Variants in TMTC1 observed in about 807,000 individuals in gnomAD.
TMTC1 encodes protein O-mannosyl-transferase TMTC1.
TMTC1 carries 73 observed loss-of-function variants against 104.8 expected under a neutral mutation model. The observed-to-expected ratio is 0.70, with a 90% confidence interval of 0.58 to 0.85. TMTC1 has a LOEUF of 0.85. Ranked by LOEUF, TMTC1 falls within the 40% of genes least tolerant of loss-of-function variation. TMTC1 has a pLI of 0.00. For missense variants in TMTC1, 1,035 were observed against 1,096.1 expected (o/e 0.94, Z 0.79); for synonymous variants, 434 against 428.7 (o/e 1.01, Z -0.15).
chr12:29,655,409 A>G (rs1939711122), intron 5 of TMTC1, among the ~76,000 whole-genome samples: 1 of 152,222 alleles, frequency 6.6e-6, no homozygotes, highest in African/African-American at 2.4e-5. Context: ...TAATATTTTA[A>G]GTTTTATTTT....
chr12:29,574,792 C>G (rs981975207), intron 8 of TMTC1, among the ~76,000 whole-genome samples: 4 of 152,164 alleles, frequency 2.6e-5, no homozygotes, highest in Non-Finnish European at 5.9e-5. Flanking sequence ...GGCCCTATAT[C>G]CAGATACAGT....
chr12:29,556,819 C>T (rs368956072), intron 10 of TMTC1, 38 bp downstream of exon 10: 23 of 1,611,678 alleles, frequency 1.4e-5, no homozygotes, highest in African/African-American at 8.0e-5. Context: ...TTCTTGGAAT[C>T]GCAAGGCCAC....
intron 9 of TMTC1, among the ~76,000 whole-genome samples, chr12:29,562,292 T>G (rs1317743333): frequency 6.6e-6 from 1 of 152,212 alleles, no homozygotes; most frequent in East Asian, 1.9e-4. Flanking sequence ...TGACGCACTC[T>G]TCAAGAGGGG....
intron 17 of TMTC1, among the ~76,000 whole-genome samples, chr12:29,509,027 A>G (rs1359411661): frequency 1.3e-5 from 2 of 152,184 alleles, no homozygotes; most frequent in Non-Finnish European, 2.9e-5. Flanking sequence ...AATTTAAATT[A>G]GTTACAATTA....
At chr12:29,631,988 G>GT (rs1938322985) in intron 6 of TMTC1, among the ~76,000 whole-genome samples, 1 of 152,190 alleles carries the variant, frequency 6.6e-6, no homozygotes, top group Non-Finnish European at 1.5e-5. Context: ...CTTGCAGCAA[G>GT]TAAGTCTCCC....
intron 1 of TMTC1, among the ~76,000 whole-genome samples, chr12:29,781,278 A>C (rs910263128): frequency 6.6e-6 from 1 of 152,216 alleles, no homozygotes; most frequent in African/African-American, 2.4e-5. Context: ...AATCTTCTCA[A>C]AAAAAGAGTG....
chr12:29,615,786 T>A (rs977120225), intron 6 of TMTC1, among the ~76,000 whole-genome samples: 1 of 152,242 alleles, frequency 6.6e-6, no homozygotes, highest in African/African-American at 2.4e-5. Context: ...AAAGGAATCC[T>A]TTTTCAGGTG....
At chr12:29,581,371 A>G (rs1945975389) in intron 8 of TMTC1, among the ~76,000 whole-genome samples, 1 of 152,242 alleles carries the variant, frequency 6.6e-6, no homozygotes, top group Admixed American at 6.5e-5. Flanking sequence ...TTTCTAGAAA[A>G]TATCAATAGC....
chr12:29,511,985 A>C, intron 17 of TMTC1, 58 bp downstream of exon 17: 1 of 1,451,804 alleles, frequency 6.9e-7, no homozygotes, highest in Non-Finnish European at 9.7e-7. Flanking sequence ...GAAAGAAGAC[A>C]GAGAGAGAAA....
At chr12:29,591,477 C>A (rs1592283411) in intron 7 of TMTC1, among the ~76,000 whole-genome samples, 1 of 152,188 alleles carries the variant, frequency 6.6e-6, no homozygotes, top group Non-Finnish European at 1.5e-5. Flanking sequence ...TGACACTTCA[C>A]AAAATCAAAA....
intron 3 of TMTC1, among the ~76,000 whole-genome samples, chr12:29,756,238 C>T (rs992042283): frequency 6.6e-6 from 1 of 152,212 alleles, no homozygotes; most frequent in African/African-American, 2.4e-5. Context: ...TCCCTGGGTT[C>T]CCTGCTAACC....
chr12:29,633,158 C>T lies in TMTC1; in HGVS notation c.1117G>A (p.Ala373Thr). ...VMALLSLHCL[A>T]AFKRLEHKEV... is the part of the protein sequence containing the mutation. ...TTTGAGAAAATTACCTTAAAGGCTG[C>T]TAAGCAGTGCAGGCTCAATAAGGCC... Residue 373 changes from alanine to threonine, a missense_variant, in exon 6 of 18, where the codon GCA becomes ACA. Coordinates refer to ENST00000539277, the MANE Select transcript of TMTC1 (RefSeq NM_001193451.2). 1 of 1,612,346 alleles carries T rather than the reference C, an allele frequency of 6.2e-7. No homozygotes were observed.
chr12:29,606,452 T>C (rs1946701712), intron 6 of TMTC1, among the ~76,000 whole-genome samples: 1 of 152,222 alleles, frequency 6.6e-6, no homozygotes, highest in South Asian at 2.1e-4. Flanking sequence ...TCTTGTCAAA[T>C]GTTCCTCATT....
intron 6 of TMTC1, among the ~76,000 whole-genome samples, chr12:29,608,436 C>T (rs1183261504): frequency 6.6e-6 from 1 of 152,182 alleles, no homozygotes; most frequent in Non-Finnish European, 1.5e-5. Flanking sequence ...TTCCCAAAGA[C>T]AGCAGGGAGA....
chr12:29,554,532 T>G (rs2136250483), intron 10 of TMTC1, among the ~76,000 whole-genome samples: 1 of 152,240 alleles, frequency 6.6e-6, no homozygotes, highest in East Asian at 1.9e-4. Flanking sequence ...AATTACAAAT[T>G]GTAGACTTAA....
intron 5 of TMTC1, among the ~76,000 whole-genome samples, chr12:29,727,863 T>C (rs1942440094): frequency 6.6e-6 from 1 of 152,062 alleles, no homozygotes; most frequent in African/African-American, 2.4e-5. Flanking sequence ...CAATCATAGC[T>C]CACTGCAGCC....
intron 6 of TMTC1, among the ~76,000 whole-genome samples, chr12:29,605,100 T>C (rs1946663983): frequency 6.6e-6 from 1 of 152,132 alleles, no homozygotes; most frequent in African/African-American, 2.4e-5. Flanking sequence ...TTGAAGAGAG[T>C]TATATTTAAA....
chr12:29,625,235 C>G (rs1392297282), intron 6 of TMTC1, among the ~76,000 whole-genome samples: 3 of 152,126 alleles, frequency 2.0e-5, no homozygotes. Context: ...AAGTTTAATC[C>G]TCCTGTTTAC....
chr12:29,616,669 CAAAAAAAAAAAAAA>C (rs71045821), intron 6 of TMTC1, among the ~76,000 whole-genome samples: 1 of 79,816 alleles, frequency 1.3e-5, no homozygotes, highest in Non-Finnish European at 2.4e-5. Flanking sequence ...AACTTGGTCT[CAAAAAAAAAAAAAA>C]AAAAAAACAT....
Sources: gnomAD v4.1 joint callset for allele counts (sites outside exome capture counted in the v4.1 genomes callset) on GRCh38, gnomAD v4.1.1 for gene constraint, MANE v1.5 for transcripts, NCBI Gene and HGNC (gene_info 2026-07-23, HGNC 2026-07-21) for gene names.